The following FRMD5 variants were observed in gnomAD, a reference collection of about 807,000 sequenced individuals.
FRMD5 encodes FERM domain-containing protein 5.
In FRMD5, 20 loss-of-function variants were observed where a neutral mutation model predicts 69.0. The observed-to-expected ratio is 0.29, with a 90% CI of 0.20 to 0.42. The LOEUF (loss-of-function observed/expected upper bound fraction) is 0.42. FRMD5 is among the 10% of genes least tolerant of loss of function. The pLI is 1.00. For missense variants in FRMD5, 595 were observed against 708.6 expected, an observed-to-expected ratio of 0.84 and a Z score of 1.82; for synonymous variants, 271 against 260.1, an observed-to-expected ratio of 1.04 and a Z score of -0.40.
chr15:43,977,249 C>T (rs1403252092), intron 1 of FRMD5, among the ~76,000 whole-genome samples: 3 of 152,038 alleles, frequency 2.0e-5, no homozygotes, highest in South Asian at 2.1e-4. Context: ...GGTTGTTACT[C>T]TCTGTTAAGG....
intron 8 of FRMD5, among the ~76,000 whole-genome samples, chr15:43,890,523 GA>G (rs1443652858): frequency 6.6e-6 from 1 of 152,170 alleles, no homozygotes; most frequent in African/African-American, 2.4e-5. Flanking sequence ...GCCCTCTAAA[GA>G]ATATCAAATA....
intron 13 of FRMD5, among the ~76,000 whole-genome samples, chr15:43,881,491 G>T (rs1246789115): frequency 6.6e-6 from 1 of 152,078 alleles, no homozygotes; most frequent in Non-Finnish European, 1.5e-5. Flanking sequence ...TAGTCCACAG[G>T]CACTCTCCCA....
intron 1 of FRMD5, among the ~76,000 whole-genome samples, chr15:44,185,161 A>G (rs980439807): frequency 5.3e-5 from 8 of 152,350 alleles, no homozygotes; most frequent in African/African-American, 1.7e-4. Flanking sequence ...TTCTGTAGCT[A>G]CACCAAGCAA....
chr15:44,149,515 T>C (rs757967481), intron 1 of FRMD5, among the ~76,000 whole-genome samples: 2 of 152,134 alleles, frequency 1.3e-5, no homozygotes, highest in Admixed American at 6.5e-5. Context: ...CTATATGCTA[T>C]CTATAGAAGA....
intron 1 of FRMD5, among the ~76,000 whole-genome samples, chr15:44,009,737 G>A (rs1240399427): frequency 6.6e-6 from 1 of 152,122 alleles, no homozygotes; most frequent in Non-Finnish European, 1.5e-5. Flanking sequence ...GGGGCTTTGG[G>A]GTGCTGTGTA....
chr15:43,885,661 T>A lies in FRMD5; in HGVS notation c.959+20A>T. On this transcript the variant is annotated intron_variant, in intron 11 of 13. Coordinates refer to ENST00000417257, the MANE Select transcript of FRMD5 (RefSeq NM_032892.5). ...GGTCTGAAAATAGATCCATAATGGT[T>A]ACTTACTGTCACTATTTACCTGTAT... is the stretch of plus-strand genomic sequence containing the variant. The A allele has an allele frequency of 6.3e-7, 1 of 1,588,564 alleles. No homozygotes were observed. Among genetic ancestry groups the A allele is most frequent in the Non-Finnish European group, 8.6e-7 (1 of 1,156,546 alleles).
intron 4 of FRMD5, among the ~76,000 whole-genome samples, chr15:43,911,887 G>T (rs910860207): frequency 6.6e-6 from 1 of 152,134 alleles, no homozygotes; most frequent in Middle Eastern, 3.4e-3. Context: ...TCTAGGAGGT[G>T]GTAGGAAGGG....
chr15:44,163,040 G>T (rs1030738600), intron 1 of FRMD5, among the ~76,000 whole-genome samples: 1 of 152,096 alleles, frequency 6.6e-6, no homozygotes, highest in Non-Finnish European at 1.5e-5. Flanking sequence ...CAGGCGTGGT[G>T]GCGGGCGCCT....
intron 1 of FRMD5, among the ~76,000 whole-genome samples, chr15:44,076,444 T>TA (rs1893770092): frequency 6.7e-6 from 1 of 149,044 alleles, no homozygotes; most frequent in Non-Finnish European, 1.5e-5. Flanking sequence ...TATGCAGCCA[T>TA]AAAAAATGAT....
intron 1 of FRMD5, among the ~76,000 whole-genome samples, chr15:44,065,001 C>T (rs1185400346): frequency 1.3e-5 from 2 of 152,138 alleles, no homozygotes; most frequent in Admixed American, 6.5e-5. Context: ...TGAGAATAGA[C>T]ATTTATTAAA....
chr15:44,169,561 T>C (rs952731752), intron 1 of FRMD5, among the ~76,000 whole-genome samples: 4 of 152,144 alleles, frequency 2.6e-5, no homozygotes, highest in Admixed American at 2.6e-4. Flanking sequence ...ACATCTCTCT[T>C]TCCAGGAAAT....
chr15:44,107,272 G>A (rs540834465), intron 1 of FRMD5, among the ~76,000 whole-genome samples: 2 of 152,304 alleles, frequency 1.3e-5, no homozygotes, highest in Non-Finnish European at 1.5e-5. Context: ...AGCCAAGGAA[G>A]AGTGGTAATA....
chr15:43,872,854 G>A lies in FRMD5; in HGVS notation c.*1031C>T, dbSNP rs780268036. ...ATAAAGTAAAAACAAAATATGAATT[G>A]TTAAGAAAATAACATTTCGTTGTTA... On this transcript the variant is annotated 3_prime_UTR_variant, in exon 14 of 14. Transcript: ENST00000417257. 1.1e-5 allele frequency: 3 copies of A among 281,888 alleles called. No homozygotes were observed. Among genetic ancestry groups the A allele is most frequent in the Non-Finnish European group, 2.0e-5 (3 of 152,826 alleles). The allele number at this position is 281,888 out of a possible 1,614,324, so 17.5% of individuals were successfully genotyped here.
rs1478216055 is a variant in FRMD5, at chr15:43,873,102, T to TAAGTC, written c.*778_*782dup. The TAAGTC allele has an allele frequency of 2.3e-5, 32 of 1,396,552 alleles. No homozygotes were observed. The highest frequency in any genetic ancestry group is 3.5e-4 in the Middle Eastern group (2 of 5,660). The allele number at this position is 1,396,552 out of a possible 1,614,324, so 86.5% of individuals were successfully genotyped here. A position where few individuals can be genotyped will look rare whatever the true frequency, so the allele number is the denominator to read the frequency against. ...GTTCTTCGGAAAAAAAAAATCACGT[T>TAAGTC]AAGTCTAGTTTCATTATACAAAACT... is the stretch of plus-strand genomic sequence containing the variant. On this transcript the variant is annotated 3_prime_UTR_variant, in exon 14 of 14. Coordinates refer to ENST00000417257, the MANE Select transcript of FRMD5 (RefSeq NM_032892.5).
chr15:44,107,498 TTA>T (rs2140562694), intron 1 of FRMD5, among the ~76,000 whole-genome samples: 1 of 152,324 alleles, frequency 6.6e-6, no homozygotes, highest in South Asian at 2.1e-4. Flanking sequence ...CATATGCTCT[TTA>T]TTACACATCT....
intron 1 of FRMD5, among the ~76,000 whole-genome samples, chr15:44,178,132 G>A (rs1243829941): frequency 6.6e-6 from 1 of 151,914 alleles, no homozygotes; most frequent in Non-Finnish European, 1.5e-5. Context: ...GACCAGCCTG[G>A]CCAACATAGT....
At chr15:44,179,899 C>A (rs2077965477) in intron 1 of FRMD5, among the ~76,000 whole-genome samples, 1 of 152,068 alleles carries the variant, frequency 6.6e-6, no homozygotes, top group South Asian at 2.1e-4. Flanking sequence ...TGTAGCTAGG[C>A]ACAGTGGTGT....
intron 4 of FRMD5, among the ~76,000 whole-genome samples, chr15:43,916,864 T>C (rs9806129): frequency 0.11 from 16,454 of 151,376 alleles, 1,353 homozygotes; most frequent in East Asian, 0.23. Flanking sequence ...CTGCAACCTC[T>C]GCCTCCTGGG....
intron 1 of FRMD5, among the ~76,000 whole-genome samples, chr15:43,983,408 G>A (rs2090577231): frequency 6.6e-6 from 1 of 152,076 alleles, no homozygotes; most frequent in Non-Finnish European, 1.5e-5. Flanking sequence ...AGTTATAATG[G>A]GGAGGCTGTG....
Sources: gnomAD v4.1 joint callset for allele counts (sites outside exome capture counted in the v4.1 genomes callset) on GRCh38, gnomAD v4.1.1 for gene constraint, MANE v1.5 for transcripts, NCBI Gene and HGNC (gene_info 2026-07-23, HGNC 2026-07-21) for gene names.